Variants in SATL1 observed in about 807,000 individuals in gnomAD.
SATL1 encodes spermidine/spermine N(1)-acetyltransferase-like protein 1.
Under a neutral mutation model 51.8 loss-of-function variants are expected in SATL1, and 47 were observed. The ratio of observed to expected loss-of-function variants is 0.91; its 90% confidence interval spans 0.72 to 1.16. The LOEUF (loss-of-function observed/expected upper bound fraction) is 1.16. Ranked by LOEUF, SATL1 falls within the 50% of genes most tolerant of loss-of-function variation. The pLI is 0.00. For missense variants in SATL1, 520 were observed against 526.4 expected (o/e 0.99, Z 0.12); for synonymous variants, 176 against 182.4 (o/e 0.97, Z 0.28).
intron 2 of SATL1, among the ~76,000 whole-genome samples, chrX:85,149,572 C>G (rs1459315558): frequency 1.8e-5 from 2 of 111,493 alleles, no homozygotes; most frequent in Admixed American, 9.6e-5. Context: ...AAGTAAAGCT[C>G]TCCTCAGCAA....
chrX:85,095,085 CCA>C, intron 4 of SATL1, 89 bp from the exon 5 acceptor site: 1 of 519,428 alleles, frequency 1.9e-6, no homozygotes, highest in Non-Finnish European at 3.3e-6. Flanking sequence ...ATTTCTCTCT[CCA>C]CCTGGATAGC....
In SATL1 at chrX:85,109,089, G is replaced by A. The variant is rs1173761312; in HGVS notation, c.-121C>T. On this transcript the variant is annotated 5_prime_UTR_variant, in exon 3 of 8. Coordinates refer to ENST00000644105, the MANE Select transcript of SATL1 (RefSeq NM_001367857.2). ...ATCCCTTAACTGTGCTGTGGTGGGA[G>A]GTTGTTGGCTGTTCCCAGTTCTTCT... The A allele has an allele frequency of 1.5e-6, 1 of 663,388 alleles. No individual in the cohort carries two copies. The highest frequency in any genetic ancestry group is 3.5e-5 in the East Asian group (1 of 28,227). 54.7% of individuals were successfully genotyped at this position (663,388 alleles called of 1,213,427 possible).
chrX:85,121,843 A>T (rs1291030250), intron 2 of SATL1, among the ~76,000 whole-genome samples: 1 of 109,528 alleles, frequency 9.1e-6, no homozygotes, highest in African/African-American at 3.3e-5. Flanking sequence ...TATACTTGAA[A>T]ATTGCTAAGA....
At chrX:85,101,107 A>G (rs1197225442) in intron 4 of SATL1, among the ~76,000 whole-genome samples, 8 of 112,508 alleles carry the variant, frequency 7.1e-5, no homozygotes, top group African/African-American at 2.6e-4. Context: ...CTTAGAAGAA[A>G]CATGGGAAAT....
chrX:85,195,510 G>T (rs1927538184), intron 2 of SATL1, among the ~76,000 whole-genome samples: 1 of 111,655 alleles, frequency 9.0e-6, no homozygotes, highest in Non-Finnish European at 1.9e-5. Flanking sequence ...AAACAATGAA[G>T]AATTAATCTG....
intron 2 of SATL1, among the ~76,000 whole-genome samples, chrX:85,214,094 G>A (rs1376378324): frequency 2.7e-5 from 3 of 111,923 alleles, no homozygotes; most frequent in Non-Finnish European, 5.6e-5. Flanking sequence ...CACAGTTTCT[G>A]TGTGTCTTAG....
intron 3 of SATL1, among the ~76,000 whole-genome samples, chrX:85,105,079 T>C (rs751520710): frequency 8.0e-5 from 9 of 111,896 alleles, no homozygotes; most frequent in Admixed American, 1.9e-4. Context: ...CTCTTCTTTT[T>C]TGAATTTTTA....
chrX:85,105,168 A>G (rs1368019679), intron 3 of SATL1, among the ~76,000 whole-genome samples: 4 of 111,871 alleles, frequency 3.6e-5, no homozygotes, highest in African/African-American at 6.5e-5. Flanking sequence ...TTTAAAATAC[A>G]GGAGAACCCC....
chrX:85,177,932 T>C (rs1445335292), intron 2 of SATL1, among the ~76,000 whole-genome samples: 1 of 111,560 alleles, frequency 9.0e-6, no homozygotes, highest in Non-Finnish European at 1.9e-5. Flanking sequence ...ATTGGAAGCA[T>C]TCCAGAAGAC....
chrX:85,198,137 G>A (rs189312712), intron 2 of SATL1, among the ~76,000 whole-genome samples: 237 of 111,337 alleles, frequency 2.1e-3, no homozygotes, highest in African/African-American at 6.7e-3. Context: ...CTCCGGTTTC[G>A]TCTGTGTTTT....
chrX:85,209,954 T>G (rs965278219), intron 2 of SATL1: 2 of 110,364 alleles, frequency 1.8e-5, no homozygotes, highest in African/African-American at 6.6e-5. Context: ...CTTTCCTGCT[T>G]TCTCTTGTGG....
rs376867159 is a variant in SATL1, at chrX:85,190,678, T to C, written c.-313+33527A>G. Among the ~76,000 whole-genome samples the C allele has an allele frequency of 1.3e-4, 14 of 111,669 alleles. No homozygotes were observed. In the East Asian group the frequency reaches 3.4e-3, roughly 27 times the overall value. On this transcript the variant is annotated intron_variant, in intron 2 of 7. Coordinates refer to ENST00000644105, the MANE Select transcript of SATL1 (RefSeq NM_001367857.2). ...AAAGATAAGGAAATACACAGTTCTATAAAATAACGAGGCCAATTCTTATAA... is the reference window on the plus strand; with the variant it reads ...AAAGATAAGGAAATACACAGTTCTACAAAATAACGAGGCCAATTCTTATAA...
intron 2 of SATL1, among the ~76,000 whole-genome samples, chrX:85,122,325 C>A (rs752590436): frequency 1.8e-5 from 2 of 111,704 alleles, no homozygotes; most frequent in African/African-American, 6.5e-5. Context: ...ATTAGAACCA[C>A]CTATGGAGCT....
intron 1 of SATL1, among the ~76,000 whole-genome samples, chrX:85,239,184 A>T (rs929170964): frequency 7.2e-5 from 8 of 111,841 alleles, no homozygotes; most frequent in Admixed American, 3.8e-4. Context: ...AAACACAAAA[A>T]AGTCCAAGCC....
chrX:85,146,041 C>T (rs1000001190), intron 2 of SATL1, among the ~76,000 whole-genome samples: 73 of 109,733 alleles, frequency 6.7e-4, no homozygotes, highest in East Asian at 2.6e-3. Context: ...GGACTACAGG[C>T]GCCCGCCACC....
At chrX:85,130,233 C>T (rs931018782) in intron 2 of SATL1, among the ~76,000 whole-genome samples, 26 of 111,807 alleles carry the variant, frequency 2.3e-4, no homozygotes, top group African/African-American at 7.8e-4. Context: ...GCCAGCTCCT[C>T]TTTGTACATC....
At chrX:85,157,953 C>T (rs1279091302) in intron 2 of SATL1, among the ~76,000 whole-genome samples, 1 of 111,565 alleles carries the variant, frequency 9.0e-6, no homozygotes, top group East Asian at 2.8e-4. Flanking sequence ...CAGAAATGGA[C>T]TACAGGTTAA....
chrX:85,202,515 C>T (rs749306660), intron 2 of SATL1, among the ~76,000 whole-genome samples: 1 of 111,811 alleles, frequency 8.9e-6, no homozygotes, highest in Non-Finnish European at 1.9e-5. Context: ...TGTGACTTGG[C>T]ACTCCAATGC....
Position 85,108,647 on chromosome X carries a change from C to G in SATL1, c.322G>C (p.Asp108His), listed in dbSNP as rs770516103. 3.3e-6 allele frequency: 4 copies of G among 1,200,395 alleles called. No individual in the cohort carries two copies. Among genetic ancestry groups the G allele is most frequent in the African/African-American group, 3.5e-5 (2 of 56,974 alleles). ...TGGCTTGGGCCTGGTTGCGATGGGT[C>G]TGGTTGGCTTATGCCTGCTTTGCTC... Reference protein sequence around the residue: ...VLSKAGISQPDPSQPGPSQSG... With the variant: ...VLSKAGISQPHPSQPGPSQSG... Residue 108 changes from aspartate (D) to histidine (H), a missense_variant, in exon 3 of 8, where the codon GAC (aspartate) becomes CAC (histidine). By Grantham distance (81) the Asp-to-His change is moderately conservative. Transcript: ENST00000644105.
Sources: gnomAD v4.1 joint callset for allele counts (sites outside exome capture counted in the v4.1 genomes callset) on GRCh38, gnomAD v4.1.1 for gene constraint, MANE v1.5 for transcripts, NCBI Gene and HGNC (gene_info 2026-07-23, HGNC 2026-07-21) for gene names.